SUGCT: variants seen among roughly 807,000 people sequenced by gnomAD.
SUGCT encodes the protein succinyl-CoA:glutarate-CoA transferase.
Under a neutral mutation model 55.0 loss-of-function variants are expected in SUGCT, and 41 were observed. The ratio of observed to expected loss-of-function variants is 0.74; its 90% CI spans 0.58 to 0.97. SUGCT has a LOEUF of 0.97. SUGCT is among the 50% of genes least tolerant of loss of function. The pLI is 0.00. For synonymous variants in SUGCT, 187 were observed against 200.4 expected (o/e 0.93, Z 0.56); for missense variants, 568 against 547.8 (o/e 1.04, Z -0.37).
intron 7 of SUGCT, among the ~76,000 whole-genome samples, chr7:40,271,608 C>G (rs527432375): frequency 2.5e-4 from 38 of 152,058 alleles, no homozygotes; most frequent in Admixed American, 1.6e-3. Context: ...TCATTCCATA[C>G]ATTAATATAA....
In SUGCT at chr7:40,396,786, C is replaced by T. The variant is rs187006857; in HGVS notation, c.817-52501C>T. On this transcript the variant is annotated intron_variant, in intron 9 of 13. Transcript: ENST00000335693. ...GCATTTACTTATTTTGTTTATTCAT[C>T]TTTTTTTATTACCTCATTCTCCCTC... Among the ~76,000 whole-genome samples the T allele has an allele frequency of 1.3e-3, 204 of 152,236 alleles. No individual in the cohort carries two copies. The Middle Eastern group carries it at 0.017, about 13-fold the overall frequency.
chr7:40,585,513 A>G (rs558412930), intron 12 of SUGCT, among the ~76,000 whole-genome samples: 2 of 152,234 alleles, frequency 1.3e-5, no homozygotes, highest in South Asian at 2.1e-4. Context: ...GACAAAGTGG[A>G]TCCTCCTGCT....
intron 13 of SUGCT, among the ~76,000 whole-genome samples, chr7:40,752,648 G>C (rs1170054776): frequency 6.6e-6 from 1 of 152,144 alleles, no homozygotes; most frequent in Non-Finnish European, 1.5e-5. Flanking sequence ...CAGCCACTGT[G>C]CCCGGGCAAA....
chr7:40,835,819 A>T (rs1332457770), intron 13 of SUGCT, among the ~76,000 whole-genome samples: 11 of 152,012 alleles, frequency 7.2e-5, no homozygotes. Context: ...AGATCCATCC[A>T]ATTGGTTAGG....
the SUGCT span, among the ~76,000 whole-genome samples, chr7:40,887,074 C>A: frequency 2.0e-5 from 3 of 152,176 alleles, no homozygotes; most frequent in African/African-American, 7.2e-5. Context: ...GGAATAGAAC[C>A]TTTGAGGACC....
At chr7:40,923,827 G>A in the SUGCT span, among the ~76,000 whole-genome samples, 5 of 152,282 alleles carry the variant, frequency 3.3e-5, no homozygotes, top group Admixed American at 2.6e-4. Flanking sequence ...CCTGGAGGCC[G>A]TGGATCTTGA....
chr7:40,893,333 G>C, the SUGCT span, among the ~76,000 whole-genome samples: 1 of 152,090 alleles, frequency 6.6e-6, no homozygotes, highest in South Asian at 2.1e-4. Flanking sequence ...AGATCAAATG[G>C]ATCAAACAGA....
chr7:40,424,072 T>A (rs542932253), intron 9 of SUGCT, among the ~76,000 whole-genome samples: 83 of 152,244 alleles, frequency 5.5e-4, no homozygotes, highest in Non-Finnish European at 1.0e-3. Flanking sequence ...CTGTAAATTA[T>A]TTTTTGGCAT....
chr7:40,820,886 C>T (rs1461721395), intron 13 of SUGCT, among the ~76,000 whole-genome samples: 1 of 152,148 alleles, frequency 6.6e-6, no homozygotes, highest in Non-Finnish European at 1.5e-5. Flanking sequence ...TTCAGTATGA[C>T]ATTGGCTCTG....
At chr7:40,822,305 T>C (rs990164301) in intron 13 of SUGCT, among the ~76,000 whole-genome samples, 5 of 152,186 alleles carry the variant, frequency 3.3e-5, no homozygotes, top group Non-Finnish European at 7.4e-5. Context: ...CTGAGTTCAA[T>C]TCCTGGATAT....
chr7:40,467,212 A>G (rs1390556278), intron 11 of SUGCT, among the ~76,000 whole-genome samples: 1 of 151,440 alleles, frequency 6.6e-6, no homozygotes, highest in Non-Finnish European at 1.5e-5. Context: ...AAGAAAAAAA[A>G]AAAAAAAAAA....
At chr7:40,149,917 C>T (rs920578781) in intron 1 of SUGCT, among the ~76,000 whole-genome samples, 1 of 152,006 alleles carries the variant, frequency 6.6e-6, no homozygotes, top group African/African-American at 2.4e-5. Context: ...AAAATTCTGT[C>T]TCAAAACAAA....
chr7:40,178,030 C>T (rs974307239), intron 1 of SUGCT, among the ~76,000 whole-genome samples: 3 of 152,320 alleles, frequency 2.0e-5, no homozygotes, highest in African/African-American at 7.2e-5. Context: ...GGATTACAGG[C>T]ATGGGCCACC....
At chr7:40,394,932 CTT>C (rs1785639821) in intron 9 of SUGCT, among the ~76,000 whole-genome samples, 1 of 152,134 alleles carries the variant, frequency 6.6e-6, no homozygotes, top group Non-Finnish European at 1.5e-5. Flanking sequence ...TTTATGGACA[CTT>C]AAGTTGATTC....
intron 10 of SUGCT, among the ~76,000 whole-genome samples, chr7:40,450,031 C>T (rs770869028): frequency 3.9e-5 from 6 of 152,120 alleles, no homozygotes; most frequent in African/African-American, 7.2e-5. Context: ...TTGCTCCAAG[C>T]GATTCTCCTG....
chr7:40,802,570 C>G (rs1264677832), intron 13 of SUGCT, among the ~76,000 whole-genome samples: 2 of 152,156 alleles, frequency 1.3e-5, no homozygotes, highest in Non-Finnish European at 2.9e-5. Flanking sequence ...CCCAGCAAAG[C>G]CTAGTGATTG....
chr7:40,332,006 C>T (rs11973289), intron 9 of SUGCT, among the ~76,000 whole-genome samples: 42 of 152,208 alleles, frequency 2.8e-4, no homozygotes, highest in African/African-American at 9.9e-4. Flanking sequence ...TAGAAGCAAA[C>T]TGCCAAATTC....
intron 11 of SUGCT, among the ~76,000 whole-genome samples, chr7:40,472,122 C>A (rs1393688610): frequency 6.6e-6 from 1 of 152,036 alleles, no homozygotes; most frequent in Non-Finnish European, 1.5e-5. Context: ...GTTCAATAGG[C>A]ATATAGAGCC....
intron 8 of SUGCT, among the ~76,000 whole-genome samples, chr7:40,307,671 G>C (rs1794911152): frequency 6.6e-6 from 1 of 152,164 alleles, no homozygotes; most frequent in South Asian, 2.1e-4. Flanking sequence ...GTAAGTGTTA[G>C]CTTTGATCAG....
Sources: gnomAD v4.1 joint callset for allele counts (sites outside exome capture counted in the v4.1 genomes callset) on GRCh38, gnomAD v4.1.1 for gene constraint, MANE v1.5 for transcripts, NCBI Gene and HGNC (gene_info 2026-07-23, HGNC 2026-07-21) for gene names.